Variants in RIMBP3 observed in about 807,000 individuals in gnomAD.
RIMBP3 encodes the protein RIMS binding protein 3.
A neutral mutation model predicts 85.4 loss-of-function variants in RIMBP3; 1 was observed. The ratio of observed to expected loss-of-function variants is 0.01; its 90% CI spans 0.00 to 0.06. The LOEUF (loss-of-function observed/expected upper bound fraction) is 0.06, where lower values mean the gene tolerates loss of function less well. Among genes scored for constraint, RIMBP3 ranks in the 10% least tolerant of loss-of-function variants. The pLI is 1.00. For synonymous variants in RIMBP3, 10 were observed against 660.9 expected (o/e 0.02, Z 15.11); for missense variants, 29 against 1,504.2 (o/e 0.02, Z 16.22).
Position 18,608,181 on chromosome 22 carries a change from G to T in RIMBP3, c.3254C>A (p.Pro1085His), listed in dbSNP as rs1446080510. ...TVTFDTLLAG[P>H]PYPPLDVLVE... ...CAGCACATCCAGCGGTGGGTAGGGA[G>T]GTCCTGCCAAGAGTGTGTCGAAGGT... The change falls in exon 1 of 1, where the codon CCT (proline) becomes CAT (histidine). Residue 1085 changes from proline (P) to histidine (H), a missense_variant. By Grantham distance (77) the Pro-to-His change is moderately conservative. Coordinates refer to ENST00000619918, the MANE Select transcript of RIMBP3 (RefSeq NM_015672.2). 6.2e-7 allele frequency: 1 copy of T among 1,610,868 alleles called. No homozygotes were observed. The highest frequency in any genetic ancestry group is 2.2e-5 in the East Asian group (1 of 44,718).
the RIMBP3 span, chr22:18,608,115 C>T: frequency 6.2e-7 from 1 of 1,607,626 alleles, no homozygotes; most frequent in African/African-American, 1.3e-5. Context: ...CACAGGGAGC[C>T]AGCTGACCAC....
chr22:18,609,896 G>GC, the RIMBP3 span: 1 of 1,425,468 alleles, frequency 7.0e-7, no homozygotes, highest in Non-Finnish European at 9.2e-7. Context: ...TGCAGGGGCC[G>GC]CCCCTTCCAG....
chr22:18,609,822 C>CT, the RIMBP3 span: 1 of 1,460,172 alleles, frequency 6.8e-7, no homozygotes, highest in Non-Finnish European at 9.0e-7. Context: ...CCTCTGCAGG[C>CT]GCAGCACTTC....
At chr22:18,609,905 AG>A in the RIMBP3 span, 1 of 1,415,348 alleles carries the variant, frequency 7.1e-7, no homozygotes. Context: ...CGCCCCTTCC[AG>A]TATGCAGGTC....
rs1933429115 is a variant in RIMBP3 at position 18,608,246 on chromosome 22, G to A, written c.3189C>T (p.Asp1063=). ...TAGTTCCCCAATACACCTGCAGCAA[G>A]TCCCGTGGCAGCCGCACCTCCACCC... The part of the protein sequence containing the change: ...RARVEVRLPR[D]LLQVYWGTMS... Residue 1063 remains aspartate, a synonymous_variant, in exon 1 of 1, where the codon GAC becomes GAT. Transcript: ENST00000619918. 1.2e-6 allele frequency: 2 copies of A among 1,611,924 alleles called. No homozygotes were observed. The highest frequency in any genetic ancestry group is 1.7e-6 in the Non-Finnish European group (2 of 1,179,740).
At position 18,608,167 on chromosome 22, in the gene RIMBP3, G is replaced by C. The variant is rs749229266; in HGVS notation, c.3268C>G (p.Leu1090Val). The C allele has an allele frequency of 1.2e-6, 2 of 1,609,840 alleles. No homozygotes were observed. The highest frequency in any genetic ancestry group is 8.5e-7 in the Non-Finnish European group (1 of 1,179,412). The change falls in exon 1 of 1, where the codon CTG (leucine) becomes GTG (valine). Residue 1090 changes from leucine to valine, a missense_variant. Transcript: ENST00000619918. ...TLLAGPPYPPLDVLVERHASP... is the reference protein window; with the variant it reads ...TLLAGPPYPPVDVLVERHASP... ...GCATGGCGCTCCACCAGCACATCCAGCGGTGGGTAGGGAGGTCCTGCCAAG... is the reference window on the plus strand; with the variant it reads ...GCATGGCGCTCCACCAGCACATCCACCGGTGGGTAGGGAGGTCCTGCCAAG...
chr22:18,609,501 CGGCCCAGGTG>C, the RIMBP3 span: 1 of 1,499,306 alleles, frequency 6.7e-7, no homozygotes, highest in Admixed American at 2.2e-5. Context: ...TTGACACGCG[CGGCCCAGGTG>C]GCCGCGCACT....
rs1209035240 is a variant in RIMBP3, at chr22:18,608,178, G to A, written c.3257C>T (p.Pro1086Leu). 1 of 1,610,638 alleles carries A rather than the reference G, an allele frequency of 6.2e-7. No homozygotes were observed. Among genetic ancestry groups the A allele is most frequent in the African/African-American group, 1.3e-5 (1 of 74,874 alleles). The change falls in exon 1 of 1, where the codon CCC becomes CTC. Residue 1086 changes from proline (P) to leucine (L), a missense_variant. Coordinates refer to ENST00000619918, the MANE Select transcript of RIMBP3 (RefSeq NM_015672.2). ...VTFDTLLAGP[P>L]YPPLDVLVER... ...CACCAGCACATCCAGCGGTGGGTAG[G>A]GAGGTCCTGCCAAGAGTGTGTCGAA...
the RIMBP3 span, chr22:18,607,168 GC>G: frequency 6.5e-7 from 1 of 1,531,856 alleles, no homozygotes; most frequent in Non-Finnish European, 8.8e-7. Flanking sequence ...GCCGAGCTGG[GC>G]TCATGGAGCT....
the RIMBP3 span, chr22:18,609,496 ACGCG>A: frequency 6.7e-7 from 1 of 1,493,552 alleles, no homozygotes. Context: ...CGCTCTTGAC[ACGCG>A]CGGCCCAGGT....
At position 18,608,649 on chromosome 22, in the gene RIMBP3, T is replaced by G. The variant is rs1438914395; in HGVS notation, c.2786A>C (p.Asp929Ala). 6.2e-7 allele frequency: 1 copy of G among 1,611,726 alleles called. No homozygotes were observed. The highest frequency in any genetic ancestry group is 8.5e-7 in the Non-Finnish European group (1 of 1,179,744). ...CTGGGCTTTCCCAGATAATAAGCTGTCTTCCTCCAGAGCTTCATCCTGCCC... is the reference window on the plus strand; with the variant it reads ...CTGGGCTTTCCCAGATAATAAGCTGGCTTCCTCCAGAGCTTCATCCTGCCC... ...PAGQDEALEE[D>A]SLLSGKAQGV... Residue 929 changes from aspartate to alanine, a missense_variant, in exon 1 of 1, where the codon GAC (aspartate) becomes GCC (alanine). Coordinates refer to ENST00000619918, the MANE Select transcript of RIMBP3 (RefSeq NM_015672.2).
At chr22:18,609,490 CTTGACACGCGCGGCCCAGG>C in the RIMBP3 span, 1 of 1,494,366 alleles carries the variant, frequency 6.7e-7, no homozygotes, top group Non-Finnish European at 8.9e-7. Context: ...GCATCGCGCT[CTTGACACGCGCGGCCCAGG>C]TGGCCGCGCA....
chr22:18,610,497 G>T lies in RIMBP3; in HGVS notation c.938C>A (p.Ser313Tyr). Reference sequence around the variant, plus strand: ...GCCAGGGGTGGAGGTGTCTGGTGAGGAGGGCCGCTCCTCGGATTTGGAGGC... The same window carrying T: ...GCCAGGGGTGGAGGTGTCTGGTGAGTAGGGCCGCTCCTCGGATTTGGAGGC... Reference protein sequence around the residue: ...PKASKSEERPSSPDTSTPGSR... With the variant: ...PKASKSEERPYSPDTSTPGSR... The change falls in exon 1 of 1, where the codon TCC (serine) becomes TAC (tyrosine). Residue 313 changes from serine (S) to tyrosine (Y), a missense_variant. Transcript: ENST00000619918. 3.3e-6 allele frequency: 1 copy of T among 302,150 alleles called. No homozygotes were observed. Among genetic ancestry groups the T allele is most frequent in the Non-Finnish European group, 5.7e-6 (1 of 175,502 alleles). 18.7% of individuals were successfully genotyped at this position (302,150 alleles called of 1,614,324 possible). A position where few individuals can be genotyped will look rare whatever the true frequency, so the allele number is the denominator to read the frequency against.
chr22:18,608,274 GCC>G, the RIMBP3 span: 1 of 1,607,582 alleles, frequency 6.2e-7, no homozygotes, highest in East Asian at 2.3e-5. Flanking sequence ...CTCCACCCGC[GCC>G]CGGTAGTGCG....
At chr22:18,609,316 AG>A in the RIMBP3 span, 2 of 683,956 alleles carry the variant, frequency 2.9e-6, no homozygotes, top group South Asian at 4.0e-5. Context: ...CTGGTCTCCC[AG>A]GGCTGTTCAG....
Sources: gnomAD v4.1 joint callset for allele counts on GRCh38, gnomAD v4.1.1 for gene constraint, MANE v1.5 for transcripts, NCBI Gene and HGNC (gene_info 2026-07-23, HGNC 2026-07-21) for gene names.